HSD17B7: variants seen among roughly 807,000 people sequenced by gnomAD.
HSD17B7 encodes 3-keto-steroid reductase/17-beta-hydroxysteroid dehydrogenase 7.
HSD17B7 carries 17 observed loss-of-function variants against 34.1 expected under a neutral mutation model. That is an observed-to-expected ratio of 0.50 (90% confidence interval 0.34 to 0.75). The LOEUF is 0.75. HSD17B7 is among the 30% of genes least tolerant of loss of function. The pLI, the probability that HSD17B7 is intolerant of heterozygous loss-of-function variation, is 0.01. For missense variants in HSD17B7, 296 were observed against 406.6 expected (o/e 0.73, Z 2.34); for synonymous variants, 122 against 154.6 (o/e 0.79, Z 1.56).
chr1:162,805,065 T>A (rs1233629822), intron 7 of HSD17B7, among the ~76,000 whole-genome samples: 1 of 152,188 alleles, frequency 6.6e-6, no homozygotes, highest in Non-Finnish European at 1.5e-5. Flanking sequence ...GACCTAGCAT[T>A]GTAGTACTTA....
Position 162,812,490 on chromosome 1 carries a change from C to T in HSD17B7, c.*70C>T, listed in dbSNP as rs1173119722. 2.2e-6 allele frequency: 3 copies of T among 1,383,854 alleles called. No individual in the cohort carries two copies. The highest frequency in any genetic ancestry group is 2.0e-6 in the Non-Finnish European group (2 of 1,012,588). 85.7% of individuals were successfully genotyped at this position (1,383,854 alleles called of 1,614,324 possible). On this transcript the variant is annotated 3_prime_UTR_variant, in exon 9 of 9. Coordinates refer to ENST00000254521, the MANE Select transcript of HSD17B7 (RefSeq NM_016371.4). ...AGGAGTTCAAGACCAGCCTGAGAAA[C>T]ATAGTGAGCCCTTGTCTCTACAAAA...
rs1648741303 is a variant in HSD17B7, at chr1:162,799,723, T to C, written c.448-20T>C. ...ATTCTGTCAGTATATTTTAATACTTTTTTTTTTTCTTTCACCCAGATTCGG... is the reference window on the plus strand; with the variant it reads ...ATTCTGTCAGTATATTTTAATACTTCTTTTTTTTCTTTCACCCAGATTCGG... On this transcript the variant is annotated intron_variant, in intron 4 of 8. Coordinates refer to ENST00000254521, the MANE Select transcript of HSD17B7 (RefSeq NM_016371.4). 1.2e-6 allele frequency: 2 copies of C among 1,605,232 alleles called. No individual in the cohort carries two copies. The highest frequency in any genetic ancestry group is 1.7e-6 in the Non-Finnish European group (2 of 1,174,520).
chr1:162,806,004 G>T (rs1648970940), intron 8 of HSD17B7, among the ~76,000 whole-genome samples: 1 of 152,044 alleles, frequency 6.6e-6, no homozygotes. Flanking sequence ...AATTCTGCTT[G>T]TGACAATTGT....
chr1:162,792,965 G>A (rs1648466158), intron 2 of HSD17B7, 103 bp downstream of exon 2: 2 of 1,135,892 alleles, frequency 1.8e-6, no homozygotes, highest in East Asian at 2.6e-5. Context: ...CAGGTGCGGT[G>A]TAAGCAGTTA....
chr1:162,798,257 A>G (rs980361074), intron 4 of HSD17B7: 20 of 223,190 alleles, frequency 9.0e-5, no homozygotes, highest in African/African-American at 3.2e-4. Context: ...ATTCTGCTAC[A>G]TTATTATTAA....
chr1:162,799,782 C>A lies in HSD17B7; in HGVS notation c.487C>A (p.Pro163Thr), dbSNP rs1648744034. 1 of 1,613,844 alleles carries A rather than the reference C, an allele frequency of 6.2e-7. No homozygotes were observed. Among genetic ancestry groups the A allele is most frequent in the African/African-American group, 1.3e-5 (1 of 74,990 alleles). The change falls in exon 5 of 9, where the codon CCA becomes ACA. Residue 163 changes from proline to threonine, a missense_variant. By Grantham distance (38) the Pro-to-Thr change is conservative. Transcript: ENST00000254521. ...GCCTCTCCTCTGTCACAGTGACAAT[C>A]CATCTCAGCTCATCTGGACATCATC... ...LEPLLCHSDN[P>T]SQLIWTSSRS... is the part of the protein sequence containing the mutation.
In HSD17B7 at chr1:162,812,507, T is replaced by G; in HGVS notation, c.*87T>G. On this transcript the variant is annotated 3_prime_UTR_variant, in exon 9 of 9. Coordinates refer to ENST00000254521, the MANE Select transcript of HSD17B7 (RefSeq NM_016371.4). ...CTGAGAAACATAGTGAGCCCTTGTC[T>G]CTACAAAAAGAAATAAAAATAATAG... is the stretch of plus-strand genomic sequence containing the variant. 1 of 1,230,422 alleles carries G rather than the reference T, an allele frequency of 8.1e-7. No individual in the cohort carries two copies. The highest frequency in any genetic ancestry group is 1.1e-6 in the Non-Finnish European group (1 of 895,734). 76.2% of individuals were successfully genotyped at this position (1,230,422 alleles called of 1,614,324 possible).
rs1199076869 is a variant in HSD17B7, at chr1:162,790,742, G to C, written c.-59G>C. 4 of 1,122,920 alleles carry C rather than the reference G, an allele frequency of 3.6e-6. No homozygotes were observed. Among genetic ancestry groups the C allele is most frequent in the Admixed American group, 3.8e-5 (2 of 52,928 alleles). The allele number at this position is 1,122,920 out of a possible 1,614,324, so 69.6% of individuals were successfully genotyped here. On this transcript the variant is annotated 5_prime_UTR_variant, in exon 1 of 9. Transcript: ENST00000254521. ...ACGGGTGAGGCGGCCCGAAATCGTA[G>C]GACTTCCGAAAGCAGCGGCGGTGTT... is the stretch of plus-strand genomic sequence containing the variant.
At chr1:162,799,978 T>G (rs1464124240) in intron 5 of HSD17B7, 41 bp downstream of exon 5, 4 of 1,535,874 alleles carry the variant, frequency 2.6e-6, no homozygotes, top group Non-Finnish European at 3.6e-6. Flanking sequence ...CAGAGGAGGG[T>G]TCTCTTAATT....
At chr1:162,805,547 C>T (rs1648954962) in intron 8 of HSD17B7, 55 bp downstream of exon 8, 5 of 1,592,914 alleles carry the variant, frequency 3.1e-6, no homozygotes, top group African/African-American at 1.3e-5. Context: ...ATGAATTAAG[C>T]CTGTGTTCCT....
At chr1:162,811,476 G>A (rs1649168656) in intron 8 of HSD17B7, among the ~76,000 whole-genome samples, 1 of 149,946 alleles carries the variant, frequency 6.7e-6, no homozygotes, top group Admixed American at 6.6e-5. Flanking sequence ...CTCTGTGTTG[G>A]CTTGATGAAA....
At chr1:162,810,666 GTTC>G (rs1316715467) in intron 8 of HSD17B7, among the ~76,000 whole-genome samples, 1 of 151,958 alleles carries the variant, frequency 6.6e-6, no homozygotes, top group Admixed American at 6.6e-5. Flanking sequence ...TAGATAGTTA[GTTC>G]TTCTTGTTGA....
At position 162,805,433 on chromosome 1, in the gene HSD17B7, C is replaced by A; in HGVS notation, c.844C>A (p.Leu282Met). Residue 282 changes from leucine (L) to methionine (M), a missense_variant, in exon 8 of 9, where the codon CTG (leucine) becomes ATG (methionine). Transcript: ENST00000254521. ...CCAAAAGCCTGAATCTCTCAATCCT[C>A]TGATCAAATATCTGAGTGCCACCAC... ...FHQKPESLNPLIKYLSATTGF... is the reference protein window; with the variant it reads ...FHQKPESLNPMIKYLSATTGF... The A allele has an allele frequency of 3.1e-6, 5 of 1,613,242 alleles. No homozygotes were observed. Among genetic ancestry groups the A allele is most frequent in the Non-Finnish European group, 4.2e-6 (5 of 1,179,424 alleles).
In HSD17B7 at chr1:162,792,784, C is replaced by G. The variant is rs1558091556; in HGVS notation, c.161C>G (p.Thr54Ser). The G allele has an allele frequency of 6.2e-7, 1 of 1,614,244 alleles. No individual in the cohort carries two copies. The highest frequency in any genetic ancestry group is 1.1e-5 in the South Asian group (1 of 91,088). The change falls in exon 2 of 9, where the codon ACT becomes AGT. Residue 54 changes from threonine (T) to serine (S), a missense_variant. Coordinates refer to ENST00000254521, the MANE Select transcript of HSD17B7 (RefSeq NM_016371.4). ...VCAALLASHP[T>S]AEVTIVQVDV... ...GCTGCTCTGCTGGCCTCTCACCCCA[C>G]TGCTGAGGTCACCATTGTCCAGGTG...
At chr1:162,792,549 G>T in intron 1 of HSD17B7, 110 bp from the exon 2 acceptor site, 2 of 1,409,530 alleles carry the variant, frequency 1.4e-6, no homozygotes, top group East Asian at 2.5e-5. Context: ...CTTTCTATCT[G>T]GGCTTCTCAT....
In HSD17B7 at chr1:162,803,040, C is replaced by T. The variant is rs114257296; in HGVS notation, c.643-391C>T. On this transcript the variant is annotated intron_variant, in intron 5 of 8. Coordinates refer to ENST00000254521, the MANE Select transcript of HSD17B7 (RefSeq NM_016371.4). ...GCCAGAAACTTCTTGAAGGCAAGGA[C>T]TGTACTCCATACATCTTTTAATCTT... is the stretch of plus-strand genomic sequence containing the variant. 1,142 of 162,968 alleles carry T rather than the reference C, an allele frequency of 7.0e-3. 13 individuals carry two copies. The highest frequency in any genetic ancestry group is 0.026 in the African/African-American group (1,094 of 41,710). 10.1% of individuals were successfully genotyped at this position (162,968 alleles called of 1,614,324 possible). A position where few individuals can be genotyped will look rare whatever the true frequency, so the allele number is the denominator to read the frequency against.
rs1481446153 is a variant in HSD17B7, at chr1:162,805,414, G to T, written c.825G>T (p.Lys275Asn). The change falls in exon 8 of 9, where the codon AAG (lysine) becomes AAT (asparagine). Residue 275 changes from lysine to asparagine, a missense_variant. Transcript: ENST00000254521. Reference protein sequence around the residue: ...TEALVWLFHQKPESLNPLIKY... With the variant: ...TEALVWLFHQNPESLNPLIKY... ...TCCAGGTATGGCTTTTCCACCAAAA[G>T]CCTGAATCTCTCAATCCTCTGATCA... 6.2e-7 allele frequency: 1 copy of T among 1,613,022 alleles called. No homozygotes were observed. Among genetic ancestry groups the T allele is most frequent in the South Asian group, 1.1e-5 (1 of 90,988 alleles).
intron 5 of HSD17B7, among the ~76,000 whole-genome samples, chr1:162,802,179 A>G (rs888413824): frequency 1.3e-5 from 2 of 152,224 alleles, no homozygotes; most frequent in African/African-American, 4.8e-5. Flanking sequence ...AATCCCTATA[A>G]TTAAACAAAT....
rs1281195423 is a variant in HSD17B7, at chr1:162,790,758, C to A, written c.-43C>A. On this transcript the variant is annotated 5_prime_UTR_variant, in exon 1 of 9. Coordinates refer to ENST00000254521, the MANE Select transcript of HSD17B7 (RefSeq NM_016371.4). ...GAAATCGTAGGACTTCCGAAAGCAG[C>A]GGCGGTGTTTGCTTCACTGCTTGGA... 1 of 1,264,392 alleles carries A rather than the reference C, an allele frequency of 7.9e-7. No individual in the cohort carries two copies. The allele number at this position is 1,264,392 out of a possible 1,614,324, so 78.3% of individuals were successfully genotyped here. A position where few individuals can be genotyped will look rare whatever the true frequency, so the allele number is the denominator to read the frequency against.
Sources: allele counts gnomAD v4.1 joint callset (sites outside exome capture counted in the v4.1 genomes callset), GRCh38; gene constraint gnomAD v4.1.1; transcripts MANE v1.5; gene names NCBI Gene and HGNC (gene_info 2026-07-23, HGNC 2026-07-21).